Variants in NALF1 observed in about 807,000 individuals in gnomAD.
NALF1 encodes family with sequence similarity 155 member A.
In NALF1, 3 loss-of-function variants were observed where a neutral mutation model predicts 48.4. The ratio of observed to expected loss-of-function variants is 0.06; its 90% CI spans 0.03 to 0.16. The LOEUF (loss-of-function observed/expected upper bound fraction) is 0.16, where lower values mean the gene tolerates loss of function less well. Among genes scored for constraint, NALF1 ranks in the 10% least tolerant of loss-of-function variants. The probability of loss-of-function intolerance (pLI) is 1.00; values close to 1 mark genes in which losing one functional copy is unlikely to be tolerated. For missense variants in NALF1, 526 were observed against 571.5 expected (o/e 0.92, Z 0.81); for synonymous variants, 262 against 245.7 (o/e 1.07, Z -0.62).
intron 1 of NALF1, among the ~76,000 whole-genome samples, chr13:107,812,814 A>G (rs1879038099): frequency 6.6e-6 from 1 of 151,836 alleles, no homozygotes; most frequent in African/African-American, 2.4e-5. Context: ...TTGGTTCGTT[A>G]GTTTGAGACA....
intron 1 of NALF1, among the ~76,000 whole-genome samples, chr13:107,402,918 G>A (rs1468957225): frequency 1.3e-5 from 2 of 152,192 alleles, no homozygotes; most frequent in East Asian, 3.9e-4. Flanking sequence ...TAGCCACTCT[G>A]TCATTCTACC....
chr13:107,576,030 T>G (rs1219822719), intron 1 of NALF1, among the ~76,000 whole-genome samples: 1 of 151,696 alleles, frequency 6.6e-6, no homozygotes, highest in Non-Finnish European at 1.5e-5. Context: ...CTGTACGTGT[T>G]TGTATCTTTG....
chr13:107,788,797 AT>A (rs1878148524), intron 1 of NALF1: 3 of 150,618 alleles, frequency 2.0e-5, no homozygotes, highest in South Asian at 2.1e-4. Context: ...AAAAAAAAAA[AT>A]TTTGTCACAT....
chr13:107,207,232 T>G (rs977676260), intron 2 of NALF1, among the ~76,000 whole-genome samples: 1 of 152,182 alleles, frequency 6.6e-6, no homozygotes, highest in Non-Finnish European at 1.5e-5. Context: ...CTTTGATATA[T>G]TTATTAAAAT....
chr13:107,313,479 T>G (rs1882084714), intron 1 of NALF1, among the ~76,000 whole-genome samples: 1 of 152,080 alleles, frequency 6.6e-6, no homozygotes, highest in Non-Finnish European at 1.5e-5. Flanking sequence ...TCCCTCACAA[T>G]TTGTCCACAA....
chr13:107,841,985 T>G (rs1253809494), intron 1 of NALF1, among the ~76,000 whole-genome samples: 1 of 152,078 alleles, frequency 6.6e-6, no homozygotes, highest in Non-Finnish European at 1.5e-5. Context: ...AATATGCTCA[T>G]ATCTGCTTAT....
chr13:107,531,223 T>G (rs1876625607), intron 1 of NALF1: 1 of 169,304 alleles, frequency 5.9e-6, no homozygotes, highest in African/African-American at 2.4e-5. Flanking sequence ...GAGGTGGGGA[T>G]TACACTTCAA....
chr13:107,728,052 T>G (rs1876208623), intron 1 of NALF1, among the ~76,000 whole-genome samples: 1 of 152,252 alleles, frequency 6.6e-6, no homozygotes, highest in Non-Finnish European at 1.5e-5. Context: ...CTGGAGAGGA[T>G]GTGGAGAAAT....
chr13:107,603,359 C>T (rs1878983823), intron 1 of NALF1, among the ~76,000 whole-genome samples: 2 of 152,084 alleles, frequency 1.3e-5, no homozygotes, highest in Admixed American at 1.3e-4. Flanking sequence ...CAAAATTGCT[C>T]AAATATAAGA....
At chr13:107,340,493 CTTTCTTTCTTTCT>C (rs931312170) in intron 1 of NALF1, among the ~76,000 whole-genome samples, 3 of 141,876 alleles carry the variant, frequency 2.1e-5, no homozygotes, top group Admixed American at 7.3e-5. Context: ...TTCTTTTTGT[CTTTCTTTCTTTCT>C]TTTCTTTCTT....
chr13:107,565,810 T>C (rs1877794566), intron 1 of NALF1, among the ~76,000 whole-genome samples: 1 of 152,206 alleles, frequency 6.6e-6, no homozygotes, highest in Non-Finnish European at 1.5e-5. Context: ...GTTATGAACC[T>C]ATAATACTTT....
intron 1 of NALF1, among the ~76,000 whole-genome samples, chr13:107,599,312 C>T (rs1213784887): frequency 6.6e-6 from 1 of 151,750 alleles, no homozygotes; most frequent in Non-Finnish European, 1.5e-5. Flanking sequence ...GTCCCAGCTA[C>T]TCGGGAGGCT....
chr13:107,829,782 T>C (rs1023086817), intron 1 of NALF1, among the ~76,000 whole-genome samples: 2 of 152,198 alleles, frequency 1.3e-5, no homozygotes, highest in Non-Finnish European at 2.9e-5. Context: ...TTCTATACTT[T>C]TTACAATTAC....
chr13:107,644,275 T>C (rs4085952), intron 1 of NALF1, among the ~76,000 whole-genome samples: 146,091 of 152,120 alleles, frequency 0.96, 70,420 homozygotes, highest in East Asian at 1. Flanking sequence ...TCTGTTGACA[T>C]AAGGTTTACA....
chr13:107,740,937 T>G (rs1876614191), intron 1 of NALF1, among the ~76,000 whole-genome samples: 1 of 152,162 alleles, frequency 6.6e-6, no homozygotes, highest in Non-Finnish European at 1.5e-5. Flanking sequence ...AAAGAACAAC[T>G]GTAAATATCA....
chr13:107,631,568 A>C (rs1013155084), intron 1 of NALF1, among the ~76,000 whole-genome samples: 1 of 152,134 alleles, frequency 6.6e-6, no homozygotes, highest in Admixed American at 6.5e-5. Context: ...TCAGAGAGTA[A>C]GTCCCTCTTG....
chr13:107,402,777 T>C (rs1883830943), intron 1 of NALF1, among the ~76,000 whole-genome samples: 1 of 152,150 alleles, frequency 6.6e-6, no homozygotes, highest in African/African-American at 2.4e-5. Context: ...GATTACATTA[T>C]TATTACTTCA....
At chr13:107,183,963 ATTTTCT>A (rs1225392870) in intron 2 of NALF1, among the ~76,000 whole-genome samples, 1 of 150,572 alleles carries the variant, frequency 6.6e-6, no homozygotes, top group African/African-American at 2.5e-5. Context: ...CATATTTTCT[ATTTTCT>A]TTTTCTTTTT....
At chr13:107,791,835 C>G (rs769625865) in intron 1 of NALF1, among the ~76,000 whole-genome samples, 2 of 151,796 alleles carry the variant, frequency 1.3e-5, no homozygotes, top group Non-Finnish European at 2.9e-5. Context: ...TGGCGGGTAC[C>G]TAAAATCCCA....
Sources: gnomAD v4.1 joint callset for allele counts (sites outside exome capture counted in the v4.1 genomes callset) on GRCh38, gnomAD v4.1.1 for gene constraint, MANE v1.5 for transcripts, NCBI Gene and HGNC (gene_info 2026-07-23, HGNC 2026-07-21) for gene names.